The following GRIK2 variants were observed in gnomAD, a reference collection of about 807,000 sequenced individuals.
GRIK2 encodes the protein glutamate receptor ionotropic, kainate 2.
A neutral mutation model predicts 100.3 loss-of-function variants in GRIK2; 32 were observed. The observed-to-expected ratio is 0.32, with a 90% CI of 0.24 to 0.43. The LOEUF is 0.43. Ranked by LOEUF, GRIK2 falls within the 20% of genes least tolerant of loss-of-function variation. The pLI, the probability that GRIK2 is intolerant of heterozygous loss-of-function variation, is 1.00. For synonymous variants in GRIK2, 417 were observed against 389.4 expected, an observed-to-expected ratio of 1.07 and a Z score of -0.83; for missense variants, 843 against 1,114.9, an observed-to-expected ratio of 0.76 and a Z score of 3.47.
chr6:101,723,256 A>T (rs1774617610), intron 7 of GRIK2, among the ~76,000 whole-genome samples: 1 of 152,058 alleles, frequency 6.6e-6, no homozygotes, highest in Admixed American at 6.6e-5. Context: ...GTTTCACAAA[A>T]AATAAATCTA....
chr6:101,759,863 TTTTA>T (rs1414582340), intron 7 of GRIK2, among the ~76,000 whole-genome samples: 1 of 143,618 alleles, frequency 7.0e-6, no homozygotes, highest in African/African-American at 2.9e-5. Context: ...TTTTTTATTT[TTTTA>T]TTTATTTTTA....
intron 14 of GRIK2, among the ~76,000 whole-genome samples, chr6:102,000,979 C>T (rs1794908036): frequency 6.6e-6 from 1 of 151,756 alleles, no homozygotes; most frequent in African/African-American, 2.4e-5. Flanking sequence ...GATATCCTGA[C>T]ATTCTTTACC....
At chr6:101,954,658 T>A (rs182165373) in intron 14 of GRIK2, among the ~76,000 whole-genome samples, 21 of 152,266 alleles carry the variant, frequency 1.4e-4, no homozygotes, top group Admixed American at 1.2e-3. Flanking sequence ...CAAAGAGAGA[T>A]AGTTTAAGGT....
Position 102,053,161 on chromosome 6 carries a change from G to A in GRIK2, c.2312-2169G>A, listed in dbSNP as rs550066457. Reference sequence around the variant, plus strand: ...GAAATTACAACTTTTTGATAACCAGGTGTGGCCATTTTCACAAACACTATC... The same window carrying A: ...GAAATTACAACTTTTTGATAACCAGATGTGGCCATTTTCACAAACACTATC... On this transcript the variant is annotated intron_variant, in intron 15 of 16. Coordinates refer to ENST00000369134, the MANE Select transcript of GRIK2 (RefSeq NM_021956.5). Among the ~76,000 whole-genome samples, 15 of 151,814 alleles carry A rather than the reference G, an allele frequency of 9.9e-5. No homozygotes were observed. In the South Asian group the frequency reaches 1.5e-3, roughly 15 times the overall value.
chr6:101,396,246 C>T (rs989827466), intron 1 of GRIK2, among the ~76,000 whole-genome samples: 2 of 147,262 alleles, frequency 1.4e-5, no homozygotes, highest in Admixed American at 6.8e-5. Context: ...TAGCATTCCC[C>T]CCCCCCCCAG....
intron 7 of GRIK2, among the ~76,000 whole-genome samples, chr6:101,760,646 A>ATT (rs1481840861): frequency 1.9e-4 from 15 of 78,786 alleles, no homozygotes; most frequent in African/African-American, 2.6e-4. Flanking sequence ...ATAATTATAT[A>ATT]TAATTATATG....
chr6:101,661,675 A>G (rs9498661), intron 4 of GRIK2, among the ~76,000 whole-genome samples: 36 of 152,090 alleles, frequency 2.4e-4, no homozygotes, highest in African/African-American at 6.5e-4. Context: ...CTTGGCTGGA[A>G]TGCACTTTTC....
At chr6:101,480,542 T>C (rs2128260824) in intron 2 of GRIK2, among the ~76,000 whole-genome samples, 2 of 152,268 alleles carry the variant, frequency 1.3e-5, no homozygotes, top group East Asian at 1.9e-4. Flanking sequence ...GCTTTGGCTT[T>C]CACCTCTGCC....
chr6:102,059,793 T>G (rs1381331985), intron 16 of GRIK2, among the ~76,000 whole-genome samples: 1 of 150,720 alleles, frequency 6.6e-6, no homozygotes. Flanking sequence ...CAACATAACT[T>G]CTATAGTTTG....
chr6:101,972,674 C>A (rs945945651), intron 14 of GRIK2, among the ~76,000 whole-genome samples: 1 of 151,334 alleles, frequency 6.6e-6, no homozygotes, highest in African/African-American at 2.4e-5. Context: ...GGTTTGTAGT[C>A]GAAGGTCTTA....
intron 9 of GRIK2, among the ~76,000 whole-genome samples, chr6:101,803,644 C>G (rs1780810236): frequency 6.6e-6 from 1 of 151,820 alleles, no homozygotes; most frequent in East Asian, 1.9e-4. Context: ...TTACTGTTTA[C>G]TGGAGATGTT....
chr6:101,955,886 G>A (rs2128480708), intron 14 of GRIK2, among the ~76,000 whole-genome samples: 1 of 151,814 alleles, frequency 6.6e-6, no homozygotes, highest in South Asian at 2.1e-4. Context: ...TCAAGTTGTT[G>A]CTTCATTAGT....
At chr6:101,470,474 T>C (rs1771885994) in intron 2 of GRIK2, among the ~76,000 whole-genome samples, 2 of 152,192 alleles carry the variant, frequency 1.3e-5, no homozygotes, top group Non-Finnish European at 2.9e-5. Context: ...AAAGCAGATC[T>C]CCAAATGAGA....
In GRIK2 at chr6:101,744,088, G is replaced by A. The variant is rs1330472401; in HGVS notation, c.952-55560G>A. ...CTCCTGAGTAGCTGGGACTATAGGC[G>A]CCCGCCACCACGCCCGGCTAATTTT... On this transcript the variant is annotated intron_variant, in intron 7 of 16. Transcript: ENST00000369134. 5.3e-5 allele frequency among the ~76,000 whole-genome samples: 8 copies of A among 151,976 alleles called. No homozygotes were observed. The South Asian group carries it at 1.2e-3, about 24-fold the overall frequency.
Position 101,911,946 on chromosome 6 carries a change from G to C in GRIK2, c.1749-12655G>C, listed in dbSNP as rs1582518451. ...AATTACCCTTGTAATGTCTACCCTT[G>C]TGAGTGAATAGATAATAAGTAAGGA... On this transcript the variant is annotated intron_variant, in intron 12 of 16. Transcript: ENST00000369134. Among the ~76,000 whole-genome samples the C allele has an allele frequency of 2.0e-5, 3 of 151,264 alleles. No homozygotes were observed. In the Admixed American group the frequency reaches 2.0e-4, roughly 10 times the overall value.
intron 14 of GRIK2, among the ~76,000 whole-genome samples, chr6:102,017,931 T>C (rs1210623706): frequency 6.6e-6 from 1 of 152,186 alleles, no homozygotes; most frequent in African/African-American, 2.4e-5. Context: ...TTGCTTGTTA[T>C]TTACTTTTTC....
intron 2 of GRIK2, among the ~76,000 whole-genome samples, chr6:101,444,954 G>A (rs896597829): frequency 3.9e-5 from 6 of 152,118 alleles, no homozygotes; most frequent in Middle Eastern, 3.4e-3. Context: ...ATTCTATTGG[G>A]ACCAATCTAA....
Position 101,399,259 on chromosome 6 carries a change from G to T in GRIK2, c.-19G>T. ...TAGATCGGGGAAGTGGGTGCCGTGC[G>T]TGTGGGCACAGAAACACCATGAAGA... On this transcript the variant is annotated 5_prime_UTR_variant, in exon 2 of 17. Coordinates refer to ENST00000369134, the MANE Select transcript of GRIK2 (RefSeq NM_021956.5). The T allele has an allele frequency of 8.4e-7, 1 of 1,193,224 alleles. No individual in the cohort carries two copies. 73.9% of individuals were successfully genotyped at this position (1,193,224 alleles called of 1,614,324 possible).
chr6:101,833,675 C>T (rs972820580), intron 10 of GRIK2, among the ~76,000 whole-genome samples: 2 of 150,058 alleles, frequency 1.3e-5, no homozygotes, highest in Non-Finnish European at 2.9e-5. Flanking sequence ...TCAAATTGTA[C>T]TTATTATGAT....
Sources: allele counts gnomAD v4.1 joint callset (sites outside exome capture counted in the v4.1 genomes callset), GRCh38; gene constraint gnomAD v4.1.1; transcripts MANE v1.5; gene names NCBI Gene and HGNC (gene_info 2026-07-23, HGNC 2026-07-21).